CFAP210: variants seen among roughly 807,000 people sequenced by gnomAD.
CFAP210 encodes cilia and flagella associated protein 210, also known as cilia- and flagella- associated protein 210.
At chr2:169,675,056 C>A in the CFAP210 span, 2 of 1,449,106 alleles carry the variant, frequency 1.4e-6, no homozygotes, top group Non-Finnish European at 9.1e-7. Context: ...AAAAGACAAA[C>A]ACAATTTTTT....
chr2:169,692,271 GA>G, the CFAP210 span, among the ~76,000 whole-genome samples: 3 of 152,236 alleles, frequency 2.0e-5, no homozygotes, highest in East Asian at 3.9e-4. Flanking sequence ...TGTTATAACA[GA>G]ATACCTGAGA....
the CFAP210 span, chr2:169,662,192 T>A: frequency 7.2e-7 from 1 of 1,390,616 alleles, no homozygotes; most frequent in Non-Finnish European, 1.0e-6. Context: ...ATGTACTCCA[T>A]AAACATGTAC....
At chr2:169,669,391 T>A in the CFAP210 span, among the ~76,000 whole-genome samples, 1 of 152,264 alleles carries the variant, frequency 6.6e-6, no homozygotes, top group East Asian at 1.9e-4. Context: ...TGGAAAGCCA[T>A]TGAAGTGCTT....
the CFAP210 span, among the ~76,000 whole-genome samples, chr2:169,652,574 T>C: frequency 1.2e-4 from 19 of 152,198 alleles, 2 homozygotes; most frequent in East Asian, 2.9e-3. Flanking sequence ...TGAATGGTCA[T>C]TGTCCTCCAC....
At chr2:169,691,999 A>G in the CFAP210 span, among the ~76,000 whole-genome samples, 1 of 152,236 alleles carries the variant, frequency 6.6e-6, no homozygotes, top group South Asian at 2.1e-4. Flanking sequence ...ATGCTCGGGC[A>G]GGCAATTTAC....
chr2:169,664,181 G>A, the CFAP210 span, among the ~76,000 whole-genome samples: 1 of 151,990 alleles, frequency 6.6e-6, no homozygotes, highest in Non-Finnish European at 1.5e-5. Context: ...CTGAGTGGGA[G>A]CAAGACCCTG....
chr2:169,686,785 C>G, the CFAP210 span, among the ~76,000 whole-genome samples: 83 of 152,304 alleles, frequency 5.4e-4, no homozygotes, highest in East Asian at 0.013. Context: ...AATTAATTTT[C>G]AACATGAGTT....
At chr2:169,662,094 C>A in the CFAP210 span, among the ~76,000 whole-genome samples, 1 of 152,122 alleles carries the variant, frequency 6.6e-6, no homozygotes, top group African/African-American at 2.4e-5. Flanking sequence ...GTTCCCAACA[C>A]GAAGAAATGA....
the CFAP210 span, among the ~76,000 whole-genome samples, chr2:169,666,145 C>T: frequency 9.7e-4 from 148 of 152,200 alleles, 1 homozygote; most frequent in African/African-American, 3.5e-3. Context: ...TAAACTGATC[C>T]TTTTGGTCTC....
the CFAP210 span, among the ~76,000 whole-genome samples, chr2:169,648,427 C>G: frequency 2.5e-3 from 363 of 145,056 alleles, no homozygotes; most frequent in African/African-American, 9.2e-3. Context: ...TACACTTAAC[C>G]ATGCTTAAAA....
chr2:169,649,856 A>G, the CFAP210 span, among the ~76,000 whole-genome samples: 20 of 151,906 alleles, frequency 1.3e-4, no homozygotes, highest in Admixed American at 1.3e-3. Flanking sequence ...GCTTGAACCC[A>G]GGAGGCGAAG....
chr2:169,677,165 G>C, the CFAP210 span, among the ~76,000 whole-genome samples: 1 of 152,304 alleles, frequency 6.6e-6, no homozygotes, highest in South Asian at 2.1e-4. Context: ...ACGAGAAGCT[G>C]CCTTGGTTCT....
the CFAP210 span, chr2:169,646,116 C>G: frequency 6.2e-7 from 1 of 1,613,934 alleles, no homozygotes; most frequent in Non-Finnish European, 8.5e-7. Flanking sequence ...GCCACAAGAG[C>G]TTCAGTAAGT....
At chr2:169,652,718 G>C in the CFAP210 span, among the ~76,000 whole-genome samples, 1 of 151,860 alleles carries the variant, frequency 6.6e-6, no homozygotes, top group Non-Finnish European at 1.5e-5. Flanking sequence ...AAAAATAGCC[G>C]GGCGCAGTGG....
the CFAP210 span, among the ~76,000 whole-genome samples, chr2:169,683,674 C>T: frequency 2.0e-5 from 3 of 152,162 alleles, no homozygotes; most frequent in Non-Finnish European, 2.9e-5. Flanking sequence ...GCCTTGGCAG[C>T]GGTGGCAGGA....
At chr2:169,647,192 C>CAA in the CFAP210 span, among the ~76,000 whole-genome samples, 7,395 of 151,228 alleles carry the variant, frequency 0.049, 277 homozygotes, top group African/African-American at 0.097. Flanking sequence ...GAGAAAAAGT[C>CAA]AAAAAAAAGC....
chr2:169,674,676 G>A, the CFAP210 span: 1 of 1,610,048 alleles, frequency 6.2e-7, no homozygotes, highest in Admixed American at 1.7e-5. Context: ...AGTTTCAACT[G>A]TTCCTCCCAT....
the CFAP210 span, chr2:169,654,332 G>C: frequency 2.4e-6 from 2 of 833,692 alleles, no homozygotes; most frequent in Non-Finnish European, 3.5e-6. Context: ...TTTCTCTCCT[G>C]GAAATTTTAT....
chr2:169,657,020 C>T, the CFAP210 span, among the ~76,000 whole-genome samples: 4 of 146,102 alleles, frequency 2.7e-5, no homozygotes, highest in African/African-American at 5.1e-5. Context: ...AAGAAGGTGT[C>T]GAAGGTGTCT....
Sources: allele counts gnomAD v4.1 joint callset (sites outside exome capture counted in the v4.1 genomes callset), GRCh38; gene constraint gnomAD v4.1.1; transcripts MANE v1.5; gene names NCBI Gene and HGNC (gene_info 2026-07-23, HGNC 2026-07-21).